Variants in CFAP43 observed in about 807,000 individuals in gnomAD.
CFAP43 encodes cilia- and flagella-associated protein 43.
In CFAP43, 155 loss-of-function variants were observed where a neutral mutation model predicts 218.9. The observed-to-expected ratio is 0.71, with a 90% CI of 0.62 to 0.81. The LOEUF (loss-of-function observed/expected upper bound fraction) is 0.81, where lower values mean the gene tolerates loss of function less well. Among genes scored for constraint, CFAP43 ranks in the 30% least tolerant of loss-of-function variants. The probability of loss-of-function intolerance (pLI) is 0.00; values close to 1 mark genes in which losing one functional copy is unlikely to be tolerated. For synonymous variants in CFAP43, 645 were observed against 681.3 expected (o/e 0.95, Z 0.83); for missense variants, 1,778 against 1,954.3 (o/e 0.91, Z 1.70).
intron 28 of CFAP43, among the ~76,000 whole-genome samples, chr10:104,149,752 A>G (rs2088157790): frequency 6.6e-6 from 1 of 152,188 alleles, no homozygotes; most frequent in Non-Finnish European, 1.5e-5. Context: ...CATACCTTTA[A>G]AAAAATAACA....
At chr10:104,162,284 G>T (rs200133033) in intron 25 of CFAP43, 33 bp downstream of exon 25, 25 of 1,568,804 alleles carry the variant, frequency 1.6e-5, no homozygotes, top group Middle Eastern at 1.7e-4. Context: ...AGCAAAGAGG[G>T]TCTTAGGACC....
intron 2 of CFAP43, among the ~76,000 whole-genome samples, chr10:104,230,373 G>C (rs2091417365): frequency 6.6e-6 from 1 of 152,086 alleles, no homozygotes; most frequent in African/African-American, 2.4e-5. Flanking sequence ...GCTGAGGCAG[G>C]AGAATCACTT....
chr10:104,166,719 C>T lies in CFAP43; in HGVS notation c.2809-1G>A. The T allele has an allele frequency of 6.3e-7, 1 of 1,594,002 alleles. No individual in the cohort carries two copies. The highest frequency in any genetic ancestry group is 8.5e-7 in the Non-Finnish European group (1 of 1,170,562). Reference sequence around the variant, plus strand: ...GAGCCTCTACAATTTCCTTCCGTAGCTACATGTAGAAAAAGATGACACAGA... The same window carrying T: ...GAGCCTCTACAATTTCCTTCCGTAGTTACATGTAGAAAAAGATGACACAGA... On this transcript the variant is annotated splice_acceptor_variant, in intron 22 of 37. Coordinates refer to ENST00000357060, the MANE Select transcript of CFAP43 (RefSeq NM_025145.7). LOFTEE classifies it high-confidence loss of function.
At chr10:104,175,147 T>C (rs2089576893) in intron 19 of CFAP43, among the ~76,000 whole-genome samples, 1 of 146,218 alleles carries the variant, frequency 6.8e-6, no homozygotes, top group South Asian at 2.2e-4. Flanking sequence ...AAGAAATAAA[T>C]ATACAGGCCT....
intron 10 of CFAP43, among the ~76,000 whole-genome samples, chr10:104,195,470 T>C (rs556394117): frequency 1.3e-5 from 2 of 152,364 alleles, no homozygotes; most frequent in Admixed American, 6.5e-5. Context: ...AGTCTTTTCA[T>C]ATTTCAAGTT....
Position 104,172,460 on chromosome 10 carries a change from G to A in CFAP43, c.2536C>T (p.Leu846Phe), listed in dbSNP as rs1481777436. 4 of 1,607,768 alleles carry A rather than the reference G, an allele frequency of 2.5e-6. No homozygotes were observed. The African/African-American group carries it at 4.0e-5, about 16-fold the overall frequency. The change falls in exon 20 of 38, where the codon CTT becomes TTT. Residue 846 changes from leucine to phenylalanine, a missense_variant. Leu to Phe is a conservative substitution (Grantham distance 22). Around this residue, in one of 3 missense-constraint regions of CFAP43, gnomAD observed 1,553 missense variants for 1,685.2 expected, o/e 0.92. Transcript: ENST00000357060. ...TCATGAAGCCTTTCTAGTTCCTCAA[G>A]ATCCAGACCAAATTCCTGTTGGTCT... ...KLDQQEFGLD[L>F]EELERLHDES...
intron 9 of CFAP43, 47 bp from the exon 10 acceptor site, chr10:104,196,980 C>T: frequency 6.7e-7 from 1 of 1,487,684 alleles, no homozygotes. Flanking sequence ...ATAAGACTTT[C>T]CTATGGAAGC....
chr10:104,175,125 T>C (rs2089576273), intron 19 of CFAP43, among the ~76,000 whole-genome samples: 1 of 150,746 alleles, frequency 6.6e-6, no homozygotes, highest in African/African-American at 2.4e-5. Context: ...CTTTAAAAGT[T>C]ATATATTTTA....
In CFAP43 at chr10:104,132,476, T is replaced by C. The variant is rs536049642; in HGVS notation, c.4597-280A>G. The stretch of plus-strand genomic sequence containing the variant: ...AAAAATACAAAAAATTAGTTGGGCG[T>C]GGTGGCACATGCCTGTAATCCCAGC... On this transcript the variant is annotated intron_variant, in intron 35 of 37. Transcript: ENST00000357060. The C allele has an allele frequency of 4.4e-5, 11 of 247,932 alleles. No homozygotes were observed. In the South Asian group the frequency reaches 1.7e-3, roughly 38 times the overall value. 15.4% of individuals were successfully genotyped at this position (247,932 alleles called of 1,614,324 possible).
chr10:104,168,913 C>T (rs893953530), intron 20 of CFAP43, 65 bp from the exon 21 acceptor site: 3 of 1,320,124 alleles, frequency 2.3e-6, no homozygotes, highest in African/African-American at 2.9e-5. Context: ...TAATAATCTC[C>T]ATTGTAAACT....
chr10:104,158,734 TATG>T (rs2088711177), intron 27 of CFAP43, among the ~76,000 whole-genome samples: 1 of 152,168 alleles, frequency 6.6e-6, no homozygotes, highest in Admixed American at 6.5e-5. Context: ...GCTTCTTTTG[TATG>T]ATAATTTTAC....
At chr10:104,204,443 T>C (rs2090622231) in intron 7 of CFAP43, among the ~76,000 whole-genome samples, 1 of 152,226 alleles carries the variant, frequency 6.6e-6, no homozygotes, top group Non-Finnish European at 1.5e-5. Context: ...ATTTTCTAGA[T>C]TAGATCTGTT....
intron 3 of CFAP43, among the ~76,000 whole-genome samples, chr10:104,216,853 C>G (rs896700213): frequency 6.6e-6 from 1 of 152,178 alleles, no homozygotes; most frequent in Non-Finnish European, 1.5e-5. Flanking sequence ...GCTCTTGCCT[C>G]AGCCTCTGCT....
intron 5 of CFAP43, among the ~76,000 whole-genome samples, chr10:104,209,222 A>C (rs1259283178): frequency 6.6e-6 from 1 of 152,190 alleles, no homozygotes; most frequent in Non-Finnish European, 1.5e-5. Flanking sequence ...TGTTTTAAAC[A>C]TTTTCCTCAC....
At chr10:104,168,667 A>C (rs2089282242) in intron 21 of CFAP43, 77 bp downstream of exon 21, 2 of 1,296,960 alleles carry the variant, frequency 1.5e-6, no homozygotes, top group Non-Finnish European at 1.1e-6. Context: ...GAATTTTCTT[A>C]AATTTATTTT....
intron 3 of CFAP43, among the ~76,000 whole-genome samples, chr10:104,220,844 G>A (rs1011947632): frequency 2.0e-5 from 3 of 152,176 alleles, no homozygotes; most frequent in South Asian, 2.1e-4. Flanking sequence ...GAACAGTTAA[G>A]TTTAAGGTCC....
At position 104,146,308 on chromosome 10, in the gene CFAP43, C is replaced by T; in HGVS notation, c.3810G>A (p.Leu1270=). 6.2e-7 allele frequency: 1 copy of T among 1,613,784 alleles called. No individual in the cohort carries two copies. The highest frequency in any genetic ancestry group is 1.1e-5 in the South Asian group (1 of 91,078). The change falls in exon 30 of 38, where the codon CTG becomes CTA. Residue 1270 remains leucine (L), a synonymous_variant. Coordinates refer to ENST00000357060, the MANE Select transcript of CFAP43 (RefSeq NM_025145.7). ...TGTCATAGTGCTCCTTGCACACATC[C>T]AGGTCTTCTCTAGATTTCCGAACAG... ...SEAVRKSRED[L]DVCKEHYDNL...
intron 3 of CFAP43, among the ~76,000 whole-genome samples, chr10:104,220,375 C>T (rs755793263): frequency 1.9e-4 from 29 of 152,118 alleles, no homozygotes; most frequent in Non-Finnish European, 2.9e-5. Context: ...ATAGAAGTAT[C>T]TGTTTAAACA....
At chr10:104,167,583 CA>C in intron 22 of CFAP43, 37 bp downstream of exon 22, 2 of 1,482,966 alleles carry the variant, frequency 1.3e-6, no homozygotes, top group Non-Finnish European at 1.8e-6. Context: ...AAATAAAGCA[CA>C]TCACTTATAT....
Sources: allele counts gnomAD v4.1 joint callset (sites outside exome capture counted in the v4.1 genomes callset), GRCh38; gene constraint gnomAD v4.1.1; regional missense constraint gnomAD v4.1.1; transcripts MANE v1.5; gene names NCBI Gene and HGNC (gene_info 2026-07-23, HGNC 2026-07-21).